Variants in BCAS3 observed in about 807,000 individuals in gnomAD.
The protein encoded by BCAS3 is BCAS3 microtubule associated cell migration factor.
BCAS3 carries 53 observed loss-of-function variants against 116.1 expected under a neutral mutation model. The observed-to-expected ratio is 0.46, with a 90% CI of 0.37 to 0.57. The LOEUF is 0.57. Among genes scored for constraint, BCAS3 ranks in the 20% least tolerant of loss-of-function variants. The probability of loss-of-function intolerance (pLI) is 0.00; values close to 1 mark genes in which losing one functional copy is unlikely to be tolerated. For synonymous variants in BCAS3, 391 were observed against 408.2 expected (o/e 0.96, Z 0.51); for missense variants, 917 against 1,165.4 (o/e 0.79, Z 3.10).
chr17:60,734,787 G>A (rs1006145265), intron 5 of BCAS3, among the ~76,000 whole-genome samples: 2 of 152,078 alleles, frequency 1.3e-5, no homozygotes, highest in Admixed American at 1.3e-4. Context: ...TTTCTCCTTC[G>A]TATTTAGTTG....
Position 61,084,622 on chromosome 17 carries a change from T to G in BCAS3, c.2425+58T>G. On this transcript the variant is annotated intron_variant, in intron 22 of 23. Transcript: ENST00000407086. The surrounding 1 kb of genome is among the most constrained non-coding windows in gnomAD (Gnocchi z 5.5). The stretch of plus-strand genomic sequence containing the variant: ...AGTCCTGTGCATTTTTAACTAATTT[T>G]CTCGCACAATGTAGAGGATGACATT... 7.3e-7 allele frequency: 1 copy of G among 1,373,568 alleles called. No homozygotes were observed. Among genetic ancestry groups the G allele is most frequent in the South Asian group, 1.2e-5 (1 of 84,790 alleles). The allele number at this position is 1,373,568 out of a possible 1,614,324, so 85.1% of individuals were successfully genotyped here.
intron 7 of BCAS3, chr17:60,810,616 G>A (rs1416858060): frequency 1.7e-5 from 12 of 704,658 alleles, no homozygotes; most frequent in South Asian, 8.2e-5. Flanking sequence ...TGCCTGCATC[G>A]TTCTGCAAAT....
intron 22 of BCAS3, among the ~76,000 whole-genome samples, chr17:61,335,386 C>T (rs1398586574): frequency 6.6e-6 from 1 of 152,204 alleles, no homozygotes; most frequent in African/African-American, 2.4e-5. Flanking sequence ...CTATTTTCTG[C>T]CTGTTGGGTC....
rs2082548565 is a variant in BCAS3, at chr17:61,229,519, C to A, written c.2426-138808C>A. On this transcript the variant is annotated intron_variant, in intron 22 of 23. Transcript: ENST00000407086. This position sits in a 1 kb window ranked among gnomAD's most constrained non-coding sequence, Gnocchi z 4.4. The stretch of plus-strand genomic sequence containing the variant: ...CATAGCTAGAGAGGAGGAGTCAGTG[C>A]CTGGCTTCAAAGCTTCAATTGAAGG... Among the ~76,000 whole-genome samples, 1 of 152,276 alleles carries A rather than the reference C, an allele frequency of 6.6e-6. No homozygotes were observed. Among genetic ancestry groups the A allele is most frequent in the South Asian group, 2.1e-4 (1 of 4,824 alleles).
At chr17:60,688,405 T>G (rs185473148) in intron 3 of BCAS3, among the ~76,000 whole-genome samples, 2 of 152,044 alleles carry the variant, frequency 1.3e-5, no homozygotes, top group African/African-American at 4.8e-5. Flanking sequence ...ATTCAGGTGA[T>G]CCTCCCATCT....
chr17:60,679,363 C>G (rs1376572763), intron 1 of BCAS3, 90 bp from the exon 2 acceptor site: 1 of 872,694 alleles, frequency 1.1e-6, no homozygotes, highest in African/African-American at 1.7e-5. Context: ...GACAAGGGAT[C>G]TCTAGTGAGT....
intron 14 of BCAS3, among the ~76,000 whole-genome samples, chr17:60,985,069 G>T (rs952231032): frequency 4.7e-5 from 7 of 149,156 alleles, no homozygotes; most frequent in African/African-American, 1.7e-4. Flanking sequence ...TCAAATAAGT[G>T]CATAGTGAAG....
At chr17:60,887,639 T>C (rs2056815684) in intron 9 of BCAS3, among the ~76,000 whole-genome samples, 1 of 152,210 alleles carries the variant, frequency 6.6e-6, no homozygotes, top group South Asian at 2.1e-4. Context: ...CTTGGTATTC[T>C]TGTTGAAAAT....
intron 22 of BCAS3, among the ~76,000 whole-genome samples, chr17:61,164,981 A>T (rs1417966521): frequency 6.6e-6 from 1 of 152,218 alleles, no homozygotes; most frequent in African/African-American, 2.4e-5. Flanking sequence ...AACAAACCCC[A>T]CATGGACATT....
Position 61,118,674 on chromosome 17 carries a change from A to T in BCAS3, c.2425+34110A>T, listed in dbSNP as rs562390944. On this transcript the variant is annotated intron_variant, in intron 22 of 23. Coordinates refer to ENST00000407086, the MANE Select transcript of BCAS3 (RefSeq NM_017679.5). This position sits in a 1 kb window ranked among gnomAD's most constrained non-coding sequence, Gnocchi z 5.0. ...TGTGGCGTTTGGGTAGAGAGAAGCA[A>T]TTATTGTCTAAAAGTTTCTGTCTTG... 1.4e-4 allele frequency among the ~76,000 whole-genome samples: 22 copies of T among 152,062 alleles called. No individual in the cohort carries two copies. Among genetic ancestry groups the T allele is most frequent in the African/African-American group, 5.1e-4 (21 of 41,486 alleles).
chr17:61,005,504 C>T (rs1163050018), intron 15 of BCAS3, among the ~76,000 whole-genome samples: 1 of 152,018 alleles, frequency 6.6e-6, no homozygotes, highest in Admixed American at 6.6e-5. Flanking sequence ...ACTGTACTCC[C>T]ATCTTTGTAT....
chr17:61,022,851 G>T (rs2065974526), intron 16 of BCAS3, among the ~76,000 whole-genome samples: 1 of 151,540 alleles, frequency 6.6e-6, no homozygotes, highest in Non-Finnish European at 1.5e-5. Flanking sequence ...TATTGCCCAG[G>T]CTAGTCTTGA....
intron 8 of BCAS3, among the ~76,000 whole-genome samples, chr17:60,869,567 A>T (rs1406050828): frequency 6.6e-6 from 1 of 152,208 alleles, no homozygotes; most frequent in Non-Finnish European, 1.5e-5. Context: ...AGACATACTT[A>T]AAAAATACAA....
chr17:60,870,562 T>C (rs2055012639), intron 8 of BCAS3, among the ~76,000 whole-genome samples: 1 of 152,206 alleles, frequency 6.6e-6, no homozygotes, highest in African/African-American at 2.4e-5. Flanking sequence ...TAAACCTTAC[T>C]GAAACAAGGT....
intron 22 of BCAS3, among the ~76,000 whole-genome samples, chr17:61,359,770 C>T (rs764401453): frequency 6.6e-6 from 1 of 151,944 alleles, no homozygotes; most frequent in Non-Finnish European, 1.5e-5. Context: ...GGATTAAAGG[C>T]GTGAGCCACT....
intron 22 of BCAS3, among the ~76,000 whole-genome samples, chr17:61,175,882 T>A (rs1288622261): frequency 6.6e-6 from 1 of 152,134 alleles, no homozygotes; most frequent in Non-Finnish European, 1.5e-5. Flanking sequence ...ACGCCTGTAA[T>A]TCTAGCACTT....
Position 61,203,235 on chromosome 17 carries a change from G to A in BCAS3, c.2425+118671G>A, listed in dbSNP as rs1241851679. Among the ~76,000 whole-genome samples the A allele has an allele frequency of 6.6e-6, 1 of 152,028 alleles. No homozygotes were observed. The highest frequency in any genetic ancestry group is 2.4e-5 in the African/African-American group (1 of 41,378). ...TACAATGGCACGATCTTGGCTCACTGCAGCCTCTACTTCCTGGGTTCAAAT... is the reference window on the plus strand; with the variant it reads ...TACAATGGCACGATCTTGGCTCACTACAGCCTCTACTTCCTGGGTTCAAAT... On this transcript the variant is annotated intron_variant, in intron 22 of 23. Transcript: ENST00000407086. The surrounding 1 kb of genome is among the most constrained non-coding windows in gnomAD (Gnocchi z 5.7).
At chr17:60,859,246 T>C (rs1279091638) in intron 7 of BCAS3, among the ~76,000 whole-genome samples, 2 of 152,064 alleles carry the variant, frequency 1.3e-5, no homozygotes, top group South Asian at 2.1e-4. Flanking sequence ...GTTACATCAG[T>C]AAATTGTATG....
At chr17:61,296,922 TAG>T (rs962324929) in intron 22 of BCAS3, among the ~76,000 whole-genome samples, 4 of 152,194 alleles carry the variant, frequency 2.6e-5, no homozygotes, top group African/African-American at 4.8e-5. Context: ...GGTTTCATGG[TAG>T]AGAGTCTGAA....
Sources: allele counts gnomAD v4.1 joint callset (sites outside exome capture counted in the v4.1 genomes callset), GRCh38; gene constraint gnomAD v4.1.1; non-coding constraint Gnocchi (gnomAD v3.1); transcripts MANE v1.5; gene names NCBI Gene and HGNC (gene_info 2026-07-23, HGNC 2026-07-21).